ARMH3: variants seen among roughly 807,000 people sequenced by gnomAD.
ARMH3 encodes the protein armadillo like helical domain containing 3.
Under a neutral mutation model 99.1 loss-of-function variants are expected in ARMH3, and 60 were observed. That is an observed-to-expected ratio of 0.61 (90% CI 0.49 to 0.75). ARMH3 has a LOEUF of 0.75. Ranked by LOEUF, ARMH3 falls within the 30% of genes least tolerant of loss-of-function variation. ARMH3 has a pLI of 0.00. For synonymous variants in ARMH3, 285 were observed against 292.8 expected, an observed-to-expected ratio of 0.97 and a Z score of 0.27; for missense variants, 679 against 843.1, an observed-to-expected ratio of 0.81 and a Z score of 2.41.
intron 19 of ARMH3, among the ~76,000 whole-genome samples, chr10:101,983,440 C>T (rs933340605): frequency 6.6e-6 from 1 of 152,138 alleles, no homozygotes; most frequent in African/African-American, 2.4e-5. Flanking sequence ...CACTACCACA[C>T]CTAACTAATT....
chr10:101,961,056 G>A (rs17699425), intron 20 of ARMH3, among the ~76,000 whole-genome samples: 7,221 of 152,210 alleles, frequency 0.047, 190 homozygotes, highest in Non-Finnish European at 0.053. Flanking sequence ...CCTGTTGGCT[G>A]CTCTACGTCA....
chr10:101,989,414 C>G (rs966360672), intron 19 of ARMH3, among the ~76,000 whole-genome samples: 14 of 151,830 alleles, frequency 9.2e-5, no homozygotes, highest in African/African-American at 1.7e-4. Context: ...TCCAGTTGTG[C>G]TCATTATAAA....
At chr10:102,029,819 C>T in intron 4 of ARMH3, 74 bp from the exon 5 acceptor site, 1 of 1,334,438 alleles carries the variant, frequency 7.5e-7, no homozygotes, top group Non-Finnish European at 1.0e-6. Flanking sequence ...GCAGCCTCAT[C>T]CTTACACAGC....
At chr10:101,856,088 A>G (rs1419015860) in intron 24 of ARMH3, among the ~76,000 whole-genome samples, 2 of 152,146 alleles carry the variant, frequency 1.3e-5, no homozygotes, top group Non-Finnish European at 2.9e-5. Flanking sequence ...TCTCCTAAGA[A>G]GTTTGGAAGT....
chr10:102,011,400 T>C (rs751502755), intron 11 of ARMH3, among the ~76,000 whole-genome samples: 2 of 152,152 alleles, frequency 1.3e-5, no homozygotes, highest in South Asian at 4.1e-4. Context: ...GCTTAATGTG[T>C]ACCTTTTCTT....
intron 23 of ARMH3, among the ~76,000 whole-genome samples, chr10:101,914,895 T>G (rs1444838550): frequency 6.7e-6 from 1 of 148,370 alleles, no homozygotes; most frequent in Non-Finnish European, 1.5e-5. Flanking sequence ...AGCAAACTTA[T>G]AATGCCATCT....
intron 1 of ARMH3, among the ~76,000 whole-genome samples, chr10:102,052,225 C>T (rs2067724519): frequency 6.6e-6 from 1 of 151,926 alleles, no homozygotes; most frequent in African/African-American, 2.4e-5. Flanking sequence ...CTTCTTCCCC[C>T]ACTCCCCCGC....
intron 16 of ARMH3, 59 bp downstream of exon 16, chr10:101,995,238 C>A: frequency 7.0e-7 from 1 of 1,429,602 alleles, no homozygotes; most frequent in Non-Finnish European, 9.8e-7. Flanking sequence ...TGAGGGGAGG[C>A]AGGGAAAGAT....
At chr10:102,031,089 T>C (rs988761061) in intron 4 of ARMH3, among the ~76,000 whole-genome samples, 7 of 152,182 alleles carry the variant, frequency 4.6e-5, no homozygotes, top group Non-Finnish European at 1.0e-4. Context: ...TGGCCAACAG[T>C]TTTTATAATT....
At chr10:101,955,236 T>C (rs1035675808) in intron 22 of ARMH3, among the ~76,000 whole-genome samples, 11 of 152,218 alleles carry the variant, frequency 7.2e-5, no homozygotes, top group Non-Finnish European at 1.6e-4. Context: ...TGCTGTTGCA[T>C]GGGCAACTGA....
Position 102,002,055 on chromosome 10 carries a change from G to A in ARMH3, c.1066C>T (p.Leu356Phe), listed in dbSNP as rs765400485. Residue 356 changes from leucine (L) to phenylalanine (F), a missense_variant, in exon 15 of 26, where the codon CTC (leucine) becomes TTC (phenylalanine). Coordinates refer to ENST00000370033, the MANE Select transcript of ARMH3 (RefSeq NM_024541.3). ...PSSDVISSVE[L>F]PLDADVQTSN... ...GTCTGTACATCTGCATCCAGTGGGA[G>A]TTCCACAGAACTTATAACTGGAATA... 3.1e-6 allele frequency: 5 copies of A among 1,614,058 alleles called. No homozygotes were observed. The highest frequency in any genetic ancestry group is 1.1e-5 in the South Asian group (1 of 91,080).
chr10:102,032,961 A>T, intron 4 of ARMH3, 65 bp downstream of exon 4: 1 of 1,573,962 alleles, frequency 6.4e-7, no homozygotes, highest in Non-Finnish European at 8.6e-7. Context: ...TCCTCAGTTC[A>T]AACAGATGTG....
At chr10:101,951,922 AG>A (rs980868184) in intron 22 of ARMH3, among the ~76,000 whole-genome samples, 3 of 128,582 alleles carry the variant, frequency 2.3e-5, no homozygotes, top group African/African-American at 2.9e-5. Context: ...GGAAGGAGGG[AG>A]GGGGGCGGAG....
intron 22 of ARMH3, among the ~76,000 whole-genome samples, chr10:101,940,428 G>A (rs1005613091): frequency 6.6e-6 from 1 of 152,170 alleles, no homozygotes; most frequent in African/African-American, 2.4e-5. Flanking sequence ...ATAGAGGATG[G>A]TCATGTGTCA....
At chr10:102,010,131 G>C in intron 11 of ARMH3, 108 bp from the exon 12 acceptor site, 1 of 990,410 alleles carries the variant, frequency 1.0e-6, no homozygotes, top group Non-Finnish European at 1.5e-6. Flanking sequence ...TCCACCTGGG[G>C]AGAACTTGGA....
At chr10:101,913,383 T>C (rs941030640) in intron 23 of ARMH3, 4 of 146,874 alleles carry the variant, frequency 2.7e-5, no homozygotes, top group Non-Finnish European at 4.5e-5. Flanking sequence ...TTTTTTTTTT[T>C]GAGACAGGGT....
chr10:101,877,056 A>G (rs2067285710), intron 24 of ARMH3, among the ~76,000 whole-genome samples: 1 of 152,110 alleles, frequency 6.6e-6, no homozygotes, highest in Admixed American at 6.5e-5. Flanking sequence ...AAAAATTTTA[A>G]AAGTTAGCAG....
At chr10:101,876,879 A>G (rs1434335258) in intron 24 of ARMH3, among the ~76,000 whole-genome samples, 1 of 152,194 alleles carries the variant, frequency 6.6e-6, no homozygotes, top group Admixed American at 6.5e-5. Context: ...TTAAACCAAG[A>G]AAGCAAGGAC....
At chr10:101,950,011 A>G (rs756034819) in intron 22 of ARMH3, among the ~76,000 whole-genome samples, 1 of 152,172 alleles carries the variant, frequency 6.6e-6, no homozygotes, top group Non-Finnish European at 1.5e-5. Flanking sequence ...TCAACCAGAT[A>G]GAGGGCATCT....
Sources: allele counts gnomAD v4.1 joint callset (sites outside exome capture counted in the v4.1 genomes callset), GRCh38; gene constraint gnomAD v4.1.1; transcripts MANE v1.5; gene names NCBI Gene and HGNC (gene_info 2026-07-23, HGNC 2026-07-21).